The following NCKAP5 variants were observed in gnomAD, a reference collection of about 807,000 sequenced individuals.
The protein encoded by NCKAP5 is nck-associated protein 5.
In NCKAP5, 92 loss-of-function variants were observed where a neutral mutation model predicts 167.0. The observed-to-expected ratio is 0.55, with a 90% CI of 0.47 to 0.66. NCKAP5 has a LOEUF of 0.66. Ranked by LOEUF, NCKAP5 falls within the 30% of genes least tolerant of loss-of-function variation. The probability of loss-of-function intolerance (pLI) is 0.00; values close to 1 mark genes in which losing one functional copy is unlikely to be tolerated. For missense variants in NCKAP5, 2,378 were observed against 2,315.0 expected (o/e 1.03, Z -0.56); for synonymous variants, 891 against 877.4 (o/e 1.02, Z -0.27).
intron 3 of NCKAP5, among the ~76,000 whole-genome samples, chr2:133,443,786 G>C (rs1393489684): frequency 1.3e-5 from 2 of 152,186 alleles, no homozygotes; most frequent in Non-Finnish European, 2.9e-5. Context: ...AGGATGAGTA[G>C]AGGGACCTCT....
chr2:133,155,905 G>C (rs1443502486), intron 5 of NCKAP5, among the ~76,000 whole-genome samples: 1 of 152,148 alleles, frequency 6.6e-6, no homozygotes, highest in African/African-American at 2.4e-5. Context: ...CTTTTTCTAC[G>C]TGTGTGCACA....
intron 10 of NCKAP5, among the ~76,000 whole-genome samples, chr2:132,861,368 G>A (rs564030849): frequency 2.0e-5 from 3 of 152,092 alleles, no homozygotes; most frequent in South Asian, 2.1e-4. Flanking sequence ...AGGAACTTGC[G>A]GTACTTAAAT....
At chr2:133,135,932 A>G (rs2082773315) in intron 5 of NCKAP5, among the ~76,000 whole-genome samples, 1 of 152,186 alleles carries the variant, frequency 6.6e-6, no homozygotes, top group Non-Finnish European at 1.5e-5. Flanking sequence ...TCTGTATAAC[A>G]TTTGTCTTTA....
intron 6 of NCKAP5, among the ~76,000 whole-genome samples, chr2:133,042,925 C>A (rs1274984911): frequency 1.3e-5 from 2 of 152,076 alleles, no homozygotes; most frequent in Admixed American, 6.6e-5. Flanking sequence ...TCAAATATGT[C>A]AAAAAATTCT....
At chr2:133,246,062 C>T (rs756772375) in intron 4 of NCKAP5, among the ~76,000 whole-genome samples, 3 of 152,068 alleles carry the variant, frequency 2.0e-5, no homozygotes, top group South Asian at 4.1e-4. Flanking sequence ...ATGGAAGAGA[C>T]GAATGTGACC....
Position 132,784,475 on chromosome 2 carries a change from T to C in NCKAP5, c.2336A>G (p.Asn779Ser), listed in dbSNP as rs1558771447. 4 of 1,592,124 alleles carry C rather than the reference T, an allele frequency of 2.5e-6. No individual in the cohort carries two copies. Among genetic ancestry groups the C allele is most frequent in the Admixed American group, 3.5e-5 (2 of 57,222 alleles). ...QQQKLVKPTH[N>S]ISCQSNSRSS... is the part of the protein sequence containing the mutation. ...CCTGGAATTACTCTGGCATGATATA[T>C]TGTGTGTTGGTTTGACCAGCTTTTG... The change falls in exon 14 of 20, where the codon AAT becomes AGT. Residue 779 changes from asparagine (N) to serine (S), a missense_variant. By Grantham distance (46) the Asn-to-Ser change is conservative (BLOSUM62 1). This residue lies in a region of NCKAP5 where 1,049 missense variants were observed against 1,023.4 expected (regional missense o/e 1.02). Transcript: ENST00000409261.
intron 3 of NCKAP5, among the ~76,000 whole-genome samples, chr2:133,387,237 C>G (rs1047698758): frequency 1.1e-4 from 16 of 151,844 alleles, no homozygotes; most frequent in African/African-American, 3.9e-4. Flanking sequence ...GTAGGGCAGG[C>G]CTGGTGGTGA....
chr2:132,800,933 G>C (rs1684982132), intron 11 of NCKAP5, among the ~76,000 whole-genome samples: 1 of 152,162 alleles, frequency 6.6e-6, no homozygotes, highest in Non-Finnish European at 1.5e-5. Flanking sequence ...GAAACCTCGG[G>C]AACCTTGGCC....
At chr2:133,061,491 T>G (rs2080000510) in intron 6 of NCKAP5, among the ~76,000 whole-genome samples, 2 of 152,164 alleles carry the variant, frequency 1.3e-5, no homozygotes, top group South Asian at 2.1e-4. Context: ...GTAACAAACC[T>G]TATCATGTAC....
chr2:132,973,608 G>A (rs1453574834), intron 7 of NCKAP5, among the ~76,000 whole-genome samples: 1 of 152,026 alleles, frequency 6.6e-6, no homozygotes. Flanking sequence ...AAGTTCAGGG[G>A]TTTTTAATAC....
At chr2:133,205,106 T>C (rs775714754) in intron 5 of NCKAP5, among the ~76,000 whole-genome samples, 1 of 151,910 alleles carries the variant, frequency 6.6e-6, no homozygotes, top group Non-Finnish European at 1.5e-5. Flanking sequence ...CTGGGCAACA[T>C]GGTGAAACCT....
At chr2:133,618,442 TCAAA>T in the NCKAP5 span, among the ~76,000 whole-genome samples, 1 of 149,878 alleles carries the variant, frequency 6.7e-6, no homozygotes, top group Admixed American at 6.7e-5. Flanking sequence ...TACAATGAAC[TCAAA>T]CAAATTTACA....
the NCKAP5 span, among the ~76,000 whole-genome samples, chr2:133,637,871 G>A: frequency 6.6e-6 from 1 of 152,016 alleles, no homozygotes; most frequent in African/African-American, 2.4e-5. Context: ...TCAGGAAATA[G>A]AAAAATGTCC....
chr2:132,685,946 A>G (rs990159833), intron 19 of NCKAP5, among the ~76,000 whole-genome samples: 4 of 152,122 alleles, frequency 2.6e-5, no homozygotes, highest in African/African-American at 9.7e-5. Flanking sequence ...AGTGAAATGG[A>G]AAGAGTTTTC....
intron 6 of NCKAP5, among the ~76,000 whole-genome samples, chr2:133,067,030 T>TTATTTC (rs2080223032): frequency 6.6e-6 from 1 of 151,772 alleles, no homozygotes; most frequent in African/African-American, 2.4e-5. Flanking sequence ...CATTTTATTT[T>TTATTTC]TTATTTTTTT....
intron 6 of NCKAP5, among the ~76,000 whole-genome samples, chr2:133,028,290 G>A (rs558683937): frequency 2.6e-5 from 4 of 152,222 alleles, no homozygotes; most frequent in African/African-American, 4.8e-5. Context: ...TAAAAAGTGT[G>A]GAAATTACTT....
At chr2:132,693,619 C>CTTTTTTTT (rs1185832600) in intron 19 of NCKAP5, among the ~76,000 whole-genome samples, 12 of 84,484 alleles carry the variant, frequency 1.4e-4, no homozygotes, top group Non-Finnish European at 2.2e-4. Flanking sequence ...CCCACCCCGC[C>CTTTTTTTT]TTTTTTTTTT....
chr2:133,086,732 T>C (rs2081005272), intron 6 of NCKAP5, among the ~76,000 whole-genome samples: 1 of 152,182 alleles, frequency 6.6e-6, no homozygotes, highest in African/African-American at 2.4e-5. Context: ...ATACATGTTT[T>C]ATAACAACAT....
At chr2:133,594,557 G>C in the NCKAP5 span, among the ~76,000 whole-genome samples, 1 of 152,122 alleles carries the variant, frequency 6.6e-6, no homozygotes, top group African/African-American at 2.4e-5. Flanking sequence ...ACTGAACTGA[G>C]AGAACCAGGA....
Sources: gnomAD v4.1 joint callset for allele counts (sites outside exome capture counted in the v4.1 genomes callset) on GRCh38, gnomAD v4.1.1 for gene constraint, gnomAD v4.1.1 regional missense constraint, MANE v1.5 for transcripts, NCBI Gene and HGNC (gene_info 2026-07-23, HGNC 2026-07-21) for gene names.